Variants in SVOP observed in about 807,000 individuals in gnomAD.
SVOP encodes the protein SV2 related protein, also known as synaptic vesicle 2-related protein.
SVOP carries 17 observed loss-of-function variants against 69.1 expected under a neutral mutation model. That is an observed-to-expected ratio of 0.25 (90% CI 0.17 to 0.37). SVOP has a LOEUF of 0.37. SVOP is among the 10% of genes least tolerant of loss of function. The pLI is 1.00. For missense variants in SVOP, 435 were observed against 597.5 expected (o/e 0.73, Z 2.84); for synonymous variants, 238 against 238.6 (o/e 1.00, Z 0.02).
intron 5 of SVOP, 46 bp downstream of exon 5, chr12:108,972,359 A>G (rs1566060242): frequency 6.5e-7 from 1 of 1,528,728 alleles, no homozygotes; most frequent in Admixed American, 2.0e-5. Context: ...GACCATCACC[A>G]AGACAACCCA....
intron 11 of SVOP, among the ~76,000 whole-genome samples, chr12:108,932,799 C>G (rs2039829570): frequency 6.6e-6 from 1 of 152,176 alleles, no homozygotes; most frequent in Non-Finnish European, 1.5e-5. Context: ...ATACCAAATT[C>G]CAACTTGACT....
intron 1 of SVOP, among the ~76,000 whole-genome samples, chr12:109,010,601 C>T (rs2040336299): frequency 6.6e-6 from 1 of 151,902 alleles, no homozygotes; most frequent in South Asian, 2.1e-4. Flanking sequence ...GCAATCTCAA[C>T]CTTCCAGGTT....
At chr12:108,936,169 C>T (rs1202896870) in intron 10 of SVOP, among the ~76,000 whole-genome samples, 1 of 152,030 alleles carries the variant, frequency 6.6e-6, no homozygotes, top group East Asian at 1.9e-4. Flanking sequence ...CCCCAGCCTC[C>T]CAAGTAGCTG....
At chr12:109,006,507 C>T (rs2040308537) in intron 1 of SVOP, among the ~76,000 whole-genome samples, 1 of 152,138 alleles carries the variant, frequency 6.6e-6, no homozygotes, top group Non-Finnish European at 1.5e-5. Context: ...ACATGGCAGC[C>T]CCAGGGTTTG....
intron 11 of SVOP, among the ~76,000 whole-genome samples, chr12:108,927,505 A>G (rs1011413043): frequency 5.3e-5 from 8 of 152,112 alleles, no homozygotes; most frequent in Admixed American, 3.9e-4. Context: ...CTTCCCCCCA[A>G]ATATAAGCCC....
At position 108,943,553 on chromosome 12, in the gene SVOP, G is replaced by A. The variant is rs189858924; in HGVS notation, c.642+1550C>T. ...GCGGAGGATGCAGAGAGCCAAGATC[G>A]CGCCACTGCACTCCAGCCTGGGCAA... On this transcript the variant is annotated intron_variant, in intron 7 of 15. Coordinates refer to ENST00000610966, the MANE Select transcript of SVOP (RefSeq NM_018711.5). 3.1e-3 allele frequency among the ~76,000 whole-genome samples: 466 copies of A among 150,594 alleles called. 7 individuals carry two copies. Among genetic ancestry groups the A allele is most frequent in the African/African-American group, 0.011 (435 of 40,978 alleles).
intron 6 of SVOP, among the ~76,000 whole-genome samples, chr12:108,957,795 G>A (rs1487345104): frequency 1.3e-5 from 2 of 152,266 alleles, no homozygotes; most frequent in African/African-American, 4.8e-5. Context: ...AGATCAGCGA[G>A]AGTGCTCGCT....
At chr12:108,916,046 C>A (rs1407312339) in intron 14 of SVOP, among the ~76,000 whole-genome samples, 174 bp from the exon 15 acceptor site, 1 of 152,180 alleles carries the variant, frequency 6.6e-6, no homozygotes, top group African/African-American at 2.4e-5. Context: ...ATGGGAGGCT[C>A]AACTCAGACC....
At chr12:109,020,258 T>C (rs1027478322) in intron 1 of SVOP, among the ~76,000 whole-genome samples, 1 of 152,264 alleles carries the variant, frequency 6.6e-6, no homozygotes, top group Middle Eastern at 3.4e-3. Context: ...CAAAAACCTT[T>C]CATTCAGAAG....
At chr12:108,914,849 C>A (rs539684802) in intron 15 of SVOP, among the ~76,000 whole-genome samples, 85 of 151,394 alleles carry the variant, frequency 5.6e-4, no homozygotes, top group African/African-American at 2.0e-3. Flanking sequence ...TGAGACACAG[C>A]ACCTGACCCT....
At chr12:108,987,828 G>T (rs1474339757) in intron 1 of SVOP, among the ~76,000 whole-genome samples, 1 of 152,172 alleles carries the variant, frequency 6.6e-6, no homozygotes, top group Non-Finnish European at 1.5e-5. Context: ...TCTGGATATA[G>T]ATCCCTTATC....
chr12:108,980,515 A>G (rs1194308708), intron 2 of SVOP, among the ~76,000 whole-genome samples: 1 of 151,866 alleles, frequency 6.6e-6, no homozygotes, highest in African/African-American at 2.4e-5. Flanking sequence ...TTGGGAGGCC[A>G]AGGCGAGCAG....
intron 11 of SVOP, among the ~76,000 whole-genome samples, chr12:108,928,383 CT>C (rs2137396246): frequency 6.6e-6 from 1 of 152,226 alleles, no homozygotes; most frequent in East Asian, 1.9e-4. Flanking sequence ...ACCCCCCACC[CT>C]TGATTTCTTA....
intron 1 of SVOP, among the ~76,000 whole-genome samples, chr12:108,995,608 C>T (rs1166547718): frequency 6.6e-6 from 1 of 152,092 alleles, no homozygotes; most frequent in Admixed American, 6.6e-5. Flanking sequence ...GTACTTAATG[C>T]CACTAACTGT....
At chr12:109,000,303 A>AT (rs1258613717) in intron 1 of SVOP, among the ~76,000 whole-genome samples, 1 of 147,822 alleles carries the variant, frequency 6.8e-6, no homozygotes. Flanking sequence ...AGGAGCTGAA[A>AT]TTGTGGCAAT....
chr12:108,981,850 C>T (rs2040136837), intron 2 of SVOP, among the ~76,000 whole-genome samples: 1 of 152,136 alleles, frequency 6.6e-6, no homozygotes, highest in African/African-American at 2.4e-5. Context: ...CCAACATCAT[C>T]ACCACCATTG....
At chr12:108,918,806 C>T (rs1206076668) in intron 13 of SVOP, among the ~76,000 whole-genome samples, 1 of 152,144 alleles carries the variant, frequency 6.6e-6, no homozygotes, top group African/African-American at 2.4e-5. Flanking sequence ...TTTATGATCT[C>T]ATTGGGAGAT....
intron 7 of SVOP, among the ~76,000 whole-genome samples, chr12:108,941,837 G>C (rs922200814): frequency 1.3e-5 from 2 of 151,858 alleles, no homozygotes; most frequent in Non-Finnish European, 2.9e-5. Flanking sequence ...GCTAATTTTT[G>C]TATTTTTAGT....
chr12:108,924,651 GA>G (rs1421842021), intron 11 of SVOP, among the ~76,000 whole-genome samples: 12 of 152,260 alleles, frequency 7.9e-5, no homozygotes, highest in African/African-American at 2.6e-4. Flanking sequence ...CCCTTCAAGA[GA>G]AATACCAGGC....
Sources: gnomAD v4.1 joint callset for allele counts (sites outside exome capture counted in the v4.1 genomes callset) on GRCh38, gnomAD v4.1.1 for gene constraint, MANE v1.5 for transcripts, NCBI Gene and HGNC (gene_info 2026-07-23, HGNC 2026-07-21) for gene names.